STK32B: variants seen among roughly 807,000 people sequenced by gnomAD.
The protein encoded by STK32B is serine/threonine-protein kinase 32B.
In STK32B, 43 loss-of-function variants were observed where a neutral mutation model predicts 52.6. That is an observed-to-expected ratio of 0.82 (90% confidence interval 0.64 to 1.05). STK32B has a LOEUF of 1.05. Ranked by LOEUF, STK32B falls within the 50% of genes least tolerant of loss-of-function variation. STK32B has a pLI of 0.00. For synonymous variants in STK32B, 238 were observed against 204.3 expected, an observed-to-expected ratio of 1.17 and a Z score of -1.41; for missense variants, 621 against 534.6, an observed-to-expected ratio of 1.16 and a Z score of -1.59.
At position 5,069,190 on chromosome 4, in the gene STK32B, CTTT is replaced by C. The variant is rs11309394; in HGVS notation, c.52+17293_52+17295del. ...TTAGTTCAAGGTAATGGCAGGTTCT[CTTT>C]TTTTTTTTTTTTTTTTTGAGATGGA... On this transcript the variant is annotated intron_variant, in intron 1 of 11. Transcript: ENST00000282908. Among the ~76,000 whole-genome samples, 208 of 99,540 alleles carry C rather than the reference CTTT, an allele frequency of 2.1e-3. 1 individual carries two copies. The East Asian group carries it at 0.028, about 14-fold the overall frequency. 65.3% of individuals were successfully genotyped at this position (99,540 alleles called of 152,430 possible).
Position 5,212,244 on chromosome 4 carries a change from CAG to C in STK32B, c.260+43797_260+43798del, listed in dbSNP as rs1462960921. On this transcript the variant is annotated intron_variant, in intron 3 of 11. Coordinates refer to ENST00000282908, the MANE Select transcript of STK32B (RefSeq NM_018401.3). ...TATAGACATTTAGAAGGTGGGGAAA[CAG>C]AGGCATAGCATGCAGAAAAACATGT... Among the ~76,000 whole-genome samples, 3 of 152,226 alleles carry C rather than the reference CAG, an allele frequency of 2.0e-5. No individual in the cohort carries two copies. The East Asian group carries it at 5.8e-4, about 29-fold the overall frequency.
At chr4:5,455,898 G>C (rs1169609108) in intron 7 of STK32B, among the ~76,000 whole-genome samples, 1 of 152,212 alleles carries the variant, frequency 6.6e-6, no homozygotes, top group Non-Finnish European at 1.5e-5. Flanking sequence ...TCATCGCTCA[G>C]ATTTCTCCAG....
chr4:5,474,068 C>T (rs556505051), intron 11 of STK32B, among the ~76,000 whole-genome samples: 5 of 152,080 alleles, frequency 3.3e-5, no homozygotes, highest in South Asian at 4.2e-4. Flanking sequence ...GAGCCAAGAC[C>T]GCGCCACTGC....
chr4:5,179,929 T>G (rs1286304836), intron 3 of STK32B, among the ~76,000 whole-genome samples: 1 of 152,208 alleles, frequency 6.6e-6, no homozygotes, highest in Non-Finnish European at 1.5e-5. Flanking sequence ...CAGCAGAGGC[T>G]GAGGCTTGTG....
chr4:5,042,365 C>A, the STK32B span, among the ~76,000 whole-genome samples: 2 of 152,168 alleles, frequency 1.3e-5, no homozygotes, highest in Non-Finnish European at 2.9e-5. Flanking sequence ...ATTAGAAGAA[C>A]TTTATAAAAC....
chr4:5,084,319 C>A (rs1439106458), intron 1 of STK32B, among the ~76,000 whole-genome samples: 6 of 152,088 alleles, frequency 3.9e-5, no homozygotes, highest in Admixed American at 3.3e-4. Context: ...TTGCTGAGCG[C>A]CTTCTGCCAA....
chr4:5,455,136 T>A (rs1398919679), intron 7 of STK32B, among the ~76,000 whole-genome samples: 1 of 151,092 alleles, frequency 6.6e-6, no homozygotes, highest in Non-Finnish European at 1.5e-5. Context: ...GGCCAACATC[T>A]TCTCCAGGGC....
intron 1 of STK32B, among the ~76,000 whole-genome samples, chr4:5,060,875 T>A (rs1560131359): frequency 1.3e-5 from 2 of 152,240 alleles, no homozygotes; most frequent in Non-Finnish European, 2.9e-5. Flanking sequence ...AAAAGACAGC[T>A]GCCAGTTCTA....
At chr4:5,401,615 A>G (rs759621545) in intron 5 of STK32B, among the ~76,000 whole-genome samples, 5 of 152,184 alleles carry the variant, frequency 3.3e-5, no homozygotes, top group Non-Finnish European at 7.3e-5. Flanking sequence ...GAGAGATACC[A>G]CGCATTGAGG....
Position 5,438,871 on chromosome 4 carries a change from G to C in STK32B, c.563-7802G>C, listed in dbSNP as rs546473332. On this transcript the variant is annotated intron_variant, in intron 6 of 11. Coordinates refer to ENST00000282908, the MANE Select transcript of STK32B (RefSeq NM_018401.3). ...TGCGGTGTTTGGTTTTTTGTTCTTG[G>C]GATAATTTACTGAGAATGATGATTT... 3.3e-3 allele frequency among the ~76,000 whole-genome samples: 501 copies of C among 151,724 alleles called. 1 individual carries two copies. Among genetic ancestry groups the C allele is most frequent in the Admixed American group, 7.2e-3 (109 of 15,216 alleles).
intron 3 of STK32B, among the ~76,000 whole-genome samples, chr4:5,320,222 CT>C (rs1409092054): frequency 1.5e-4 from 23 of 152,118 alleles, no homozygotes; most frequent in Non-Finnish European, 2.8e-4. Context: ...GCGGCCACAT[CT>C]GGTTGATGAA....
intron 2 of STK32B, among the ~76,000 whole-genome samples, chr4:5,157,016 G>A (rs756685827): frequency 3.9e-5 from 6 of 152,022 alleles, no homozygotes; most frequent in Non-Finnish European, 8.8e-5. Flanking sequence ...TTGATTAATA[G>A]CAGACTAACC....
chr4:5,120,184 G>A (rs572565540), intron 1 of STK32B, among the ~76,000 whole-genome samples: 34 of 152,144 alleles, frequency 2.2e-4, no homozygotes, highest in South Asian at 4.1e-4. Flanking sequence ...AATCATTGAC[G>A]TAATCTGCTC....
Position 5,416,900 on chromosome 4 carries a change from G to C in STK32B, c.528G>C (p.Arg176Ser), listed in dbSNP as rs761561285. The C allele has an allele frequency of 3.7e-6, 6 of 1,613,768 alleles. No homozygotes were observed. In the Admixed American group the frequency reaches 5.0e-5, roughly 13 times the overall value. The change falls in exon 6 of 12, where the codon AGG becomes AGC. Residue 176 changes from arginine to serine, a missense_variant. Arg to Ser is a moderately radical substitution (Grantham distance 110). Coordinates refer to ENST00000282908, the MANE Select transcript of STK32B (RefSeq NM_018401.3). ...CGACGGTAGTGAAAGGAGCAGAAAG[G>C]GCTTCCTCCATGGCTGGCACCAAGC... ...NIATVVKGAE[R>S]ASSMAGTKPY... is the part of the protein sequence containing the mutation.
At chr4:5,175,722 G>A (rs1719821250) in intron 3 of STK32B, among the ~76,000 whole-genome samples, 1 of 152,214 alleles carries the variant, frequency 6.6e-6, no homozygotes, top group Non-Finnish European at 1.5e-5. Flanking sequence ...ACTGGGGGGT[G>A]CCTCCCAGTT....
chr4:5,455,607 A>T (rs1716434169), intron 7 of STK32B, among the ~76,000 whole-genome samples: 1 of 152,134 alleles, frequency 6.6e-6, no homozygotes. Context: ...GTGTACCTGG[A>T]AACCCCAAAC....
intron 3 of STK32B, among the ~76,000 whole-genome samples, chr4:5,228,649 A>T (rs1429518487): frequency 1.3e-5 from 2 of 152,182 alleles, no homozygotes. Context: ...AATCACAATA[A>T]TTCTTTGGTT....
chr4:5,254,305 G>T lies in STK32B; in HGVS notation c.261-76915G>T, dbSNP rs145258047. Among the ~76,000 whole-genome samples, 1,301 of 151,810 alleles carry T rather than the reference G, an allele frequency of 8.6e-3. 19 individuals carry two copies. The highest frequency in any genetic ancestry group is 0.029 in the African/African-American group (1,179 of 41,344). Reference sequence around the variant, plus strand: ...ATTTTCTTTATCAGTGTTACTGTGGGTTTATCAATTTTATTGGTGGTTTTC... The same window carrying T: ...ATTTTCTTTATCAGTGTTACTGTGGTTTTATCAATTTTATTGGTGGTTTTC... On this transcript the variant is annotated intron_variant, in intron 3 of 11. Coordinates refer to ENST00000282908, the MANE Select transcript of STK32B (RefSeq NM_018401.3).
chr4:5,050,815 C>A (rs903066386), upstream of STK32B, among the ~76,000 whole-genome samples: 1 of 152,154 alleles, frequency 6.6e-6, no homozygotes, highest in East Asian at 1.9e-4. Flanking sequence ...AGGCTCCCGC[C>A]GCAGGAGCCC....
Sources: allele counts gnomAD v4.1 joint callset (sites outside exome capture counted in the v4.1 genomes callset), GRCh38; gene constraint gnomAD v4.1.1; transcripts MANE v1.5; gene names NCBI Gene and HGNC (gene_info 2026-07-23, HGNC 2026-07-21).